Variants in ACOT7 observed in about 807,000 individuals in gnomAD.
The protein encoded by ACOT7 is acyl-CoA thioesterase 7, also known as cytosolic acyl coenzyme A thioester hydrolase.
A neutral mutation model predicts 40.2 loss-of-function variants in ACOT7; 12 were observed. The ratio of observed to expected loss-of-function variants is 0.30; its 90% CI spans 0.19 to 0.48. ACOT7 has a LOEUF of 0.48. ACOT7 is among the 20% of genes least tolerant of loss of function. The pLI, the probability that ACOT7 is intolerant of heterozygous loss-of-function variation, is 0.99. For missense variants in ACOT7, 395 were observed against 530.8 expected (o/e 0.74, Z 2.51); for synonymous variants, 228 against 219.5 (o/e 1.04, Z -0.34).
At chr1:6,304,397 T>G (rs1348350324) in intron 6 of ACOT7, among the ~76,000 whole-genome samples, 1 of 148,888 alleles carries the variant, frequency 6.7e-6, no homozygotes, top group South Asian at 2.1e-4. Flanking sequence ...TACGTTCTTT[T>G]TTTTTTTTTT....
At chr1:6,334,285 C>CA (rs1351666685) in intron 3 of ACOT7, among the ~76,000 whole-genome samples, 1 of 152,244 alleles carries the variant, frequency 6.6e-6, no homozygotes, top group Non-Finnish European at 1.5e-5. Context: ...TCCTGATGCT[C>CA]AGACACGCAA....
chr1:6,354,664 G>A (rs1479053242), intron 1 of ACOT7, among the ~76,000 whole-genome samples: 1 of 125,050 alleles, frequency 8.0e-6, no homozygotes, highest in Non-Finnish European at 1.7e-5. Context: ...ACCCCCCGTG[G>A]CCGCTGCACT....
chr1:6,323,110 A>G lies in ACOT7; in HGVS notation c.625+4189T>C, dbSNP rs558463944. Reference sequence around the variant, plus strand: ...ATGCTGTTGCACTCCAACCTGGGCAACAAGAGCAAAACGCCGTCTCAAAAA... The same window carrying G: ...ATGCTGTTGCACTCCAACCTGGGCAGCAAGAGCAAAACGCCGTCTCAAAAA... On this transcript the variant is annotated intron_variant, in intron 5 of 8. Transcript: ENST00000361521. Among the ~76,000 whole-genome samples the G allele has an allele frequency of 3.2e-4, 49 of 152,254 alleles. No individual in the cohort carries two copies. The South Asian group carries it at 1.0e-2, about 31-fold the overall frequency.
chr1:6,279,259 C>T (rs998020440), intron 8 of ACOT7, among the ~76,000 whole-genome samples: 2 of 151,904 alleles, frequency 1.3e-5, no homozygotes, highest in Non-Finnish European at 2.9e-5. Flanking sequence ...CCAGCCCAGG[C>T]GACGTGGAGG....
At chr1:6,343,080 A>G (rs1641318171) in intron 2 of ACOT7, among the ~76,000 whole-genome samples, 1 of 152,198 alleles carries the variant, frequency 6.6e-6, no homozygotes. Flanking sequence ...GGCAGGGAGC[A>G]GGTGAGGGAG....
intron 8 of ACOT7, among the ~76,000 whole-genome samples, chr1:6,268,856 T>C (rs1303455635): frequency 6.6e-6 from 1 of 152,216 alleles, no homozygotes; most frequent in Non-Finnish European, 1.5e-5. Flanking sequence ...CCTACAGCTC[T>C]CGGCATCTTT....
intron 1 of ACOT7, among the ~76,000 whole-genome samples, chr1:6,357,595 G>T (rs986754243): frequency 1.3e-5 from 2 of 152,252 alleles, no homozygotes; most frequent in Non-Finnish European, 2.9e-5. Flanking sequence ...ACCACCTGGG[G>T]CCTGCAGACA....
chr1:6,365,896 G>A (rs1486004771), intron 1 of ACOT7, among the ~76,000 whole-genome samples: 1 of 151,870 alleles, frequency 6.6e-6, no homozygotes, highest in African/African-American at 2.4e-5. Context: ...TATTGTTTTG[G>A]GGTTTATTTT....
At chr1:6,332,314 G>A (rs772697168) in intron 4 of ACOT7, among the ~76,000 whole-genome samples, 4 of 152,226 alleles carry the variant, frequency 2.6e-5, no homozygotes, top group Non-Finnish European at 4.4e-5. Flanking sequence ...GTCAGGCTGC[G>A]GGAGGAGCTG....
chr1:6,383,947 G>A (rs1362668452), intron 1 of ACOT7, among the ~76,000 whole-genome samples: 2 of 150,856 alleles, frequency 1.3e-5, no homozygotes, highest in African/African-American at 2.4e-5. Flanking sequence ...CTCGTGATCC[G>A]CCCGCCTCGG....
chr1:6,393,584 C>A lies in ACOT7; in HGVS notation c.-185G>T. 4.6e-6 allele frequency: 2 copies of A among 436,726 alleles called. No individual in the cohort carries two copies. The highest frequency in any genetic ancestry group is 7.1e-6 in the Non-Finnish European group (2 of 280,306). 27.1% of individuals were successfully genotyped at this position (436,726 alleles called of 1,614,324 possible). On this transcript the variant is annotated 5_prime_UTR_variant, in exon 1 of 9. Transcript: ENST00000361521. ...CGTACGATTCTGGCGGCGTGGGGGCCCAGGCAGCCGCCGCTTCCAGAAGGT... is the reference window on the plus strand; with the variant it reads ...CGTACGATTCTGGCGGCGTGGGGGCACAGGCAGCCGCCGCTTCCAGAAGGT...
At chr1:6,364,509 C>T (rs1641957819) in intron 1 of ACOT7, among the ~76,000 whole-genome samples, 1 of 146,274 alleles carries the variant, frequency 6.8e-6, no homozygotes, top group Admixed American at 6.9e-5. Context: ...CCATTGCACT[C>T]CAGCCAGGGT....
At chr1:6,295,251 T>C (rs890578172) in intron 6 of ACOT7, 12 of 286,958 alleles carry the variant, frequency 4.2e-5, no homozygotes, top group Non-Finnish European at 4.0e-5. Context: ...TATCTCACCC[T>C]GCTGGGCAAG....
At chr1:6,392,680 C>T (rs1402310692) in intron 1 of ACOT7, among the ~76,000 whole-genome samples, 1 of 152,210 alleles carries the variant, frequency 6.6e-6, no homozygotes, top group Non-Finnish European at 1.5e-5. Context: ...TTCCTTTCAA[C>T]ACCTGCCCTC....
chr1:6,321,333 T>G (rs1485277188), intron 5 of ACOT7, among the ~76,000 whole-genome samples: 2 of 152,204 alleles, frequency 1.3e-5, no homozygotes, highest in African/African-American at 4.8e-5. Context: ...GCATCTGATC[T>G]GTCTGCCTCC....
intron 5 of ACOT7, 122 bp downstream of exon 5, chr1:6,327,177 G>T: frequency 1.0e-6 from 1 of 1,003,752 alleles, no homozygotes; most frequent in East Asian, 2.6e-5. Context: ...ACTGGTTCCC[G>T]GAGAGCATGC....
At chr1:6,305,494 GGC>G (rs1640118566) in intron 6 of ACOT7, among the ~76,000 whole-genome samples, 1 of 146,032 alleles carries the variant, frequency 6.8e-6, no homozygotes, top group Non-Finnish European at 1.5e-5. Context: ...CGGGCGGAGG[GGC>G]TTCTCACTTC....
chr1:6,303,559 G>A (rs1426741231), intron 6 of ACOT7, among the ~76,000 whole-genome samples: 5 of 152,238 alleles, frequency 3.3e-5, no homozygotes, highest in South Asian at 2.1e-4. Context: ...CTCGGAGCCC[G>A]TGTGCCGCTG....
At chr1:6,297,290 G>A (rs188219655) in intron 6 of ACOT7, among the ~76,000 whole-genome samples, 53 of 151,874 alleles carry the variant, frequency 3.5e-4, no homozygotes, top group Middle Eastern at 6.8e-3. Context: ...TGCCTGCCTC[G>A]GCCTCCCAAA....
Sources: gnomAD v4.1 joint callset for allele counts (sites outside exome capture counted in the v4.1 genomes callset) on GRCh38, gnomAD v4.1.1 for gene constraint, MANE v1.5 for transcripts, NCBI Gene and HGNC (gene_info 2026-07-23, HGNC 2026-07-21) for gene names.